MCTP1: variants seen among roughly 807,000 people sequenced by gnomAD.
MCTP1 encodes multiple C2 and transmembrane domain containing 1.
Under a neutral mutation model 120.6 loss-of-function variants are expected in MCTP1, and 69 were observed. That is an observed-to-expected ratio of 0.57 (90% confidence interval 0.47 to 0.70). MCTP1 has a LOEUF of 0.70. Ranked by LOEUF, MCTP1 falls within the 30% of genes least tolerant of loss-of-function variation. The probability of loss-of-function intolerance (pLI) is 0.00; values close to 1 mark genes in which losing one functional copy is unlikely to be tolerated. For missense variants in MCTP1, 1,203 were observed against 1,248.8 expected (o/e 0.96, Z 0.55); for synonymous variants, 529 against 493.1 (o/e 1.07, Z -0.96).
Position 95,017,352 on chromosome 5 carries a change from C to T in MCTP1, c.838+15G>A. ...ATAAAAAAGCTTCTAGGTGATATTG[C>T]TCTTATGCTCTTACCTCCTCGATCT... On this transcript the variant is annotated intron_variant, in intron 2 of 22. Coordinates refer to ENST00000515393, the MANE Select transcript of MCTP1 (RefSeq NM_024717.7). The T allele has an allele frequency of 2.6e-6, 4 of 1,531,206 alleles. No homozygotes were observed. Among genetic ancestry groups the T allele is most frequent in the East Asian group, 2.3e-5 (1 of 44,158 alleles). 94.9% of individuals were successfully genotyped at this position (1,531,206 alleles called of 1,614,324 possible).
chr5:95,246,985 C>A (rs190081421), intron 1 of MCTP1, among the ~76,000 whole-genome samples: 5 of 152,218 alleles, frequency 3.3e-5, no homozygotes, highest in African/African-American at 1.2e-4. Flanking sequence ...CCTCTTTGTA[C>A]CTCTGGTAGA....
At chr5:94,883,539 C>T (rs540718075) in intron 12 of MCTP1, among the ~76,000 whole-genome samples, 6 of 151,974 alleles carry the variant, frequency 3.9e-5, no homozygotes, top group Non-Finnish European at 7.4e-5. Context: ...TTATTTTATC[C>T]CTGATAATAT....
chr5:94,766,484 G>T (rs1298817261), intron 19 of MCTP1, among the ~76,000 whole-genome samples: 1 of 151,846 alleles, frequency 6.6e-6, no homozygotes, highest in African/African-American at 2.4e-5. Context: ...AGAACACTTA[G>T]CCACAGGGTG....
chr5:94,992,955 A>T (rs948624436), intron 2 of MCTP1, among the ~76,000 whole-genome samples: 1 of 152,198 alleles, frequency 6.6e-6, no homozygotes, highest in African/African-American at 2.4e-5. Context: ...AAATTAACTG[A>T]AGTTTGAGAA....
At chr5:95,252,738 C>A (rs374206597) in intron 1 of MCTP1, among the ~76,000 whole-genome samples, 13 of 152,058 alleles carry the variant, frequency 8.5e-5, no homozygotes, top group African/African-American at 2.9e-4. Flanking sequence ...GCACTCATTC[C>A]TATTTTCCCT....
intron 2 of MCTP1, among the ~76,000 whole-genome samples, chr5:94,977,537 A>G (rs1446351716): frequency 6.6e-6 from 1 of 152,170 alleles, no homozygotes; most frequent in Non-Finnish European, 1.5e-5. Flanking sequence ...AAAGAAAAAC[A>G]AAGCTGGAGG....
In MCTP1 at chr5:95,061,425, T is replaced by G. The variant is rs1195005779; in HGVS notation, c.721-43941A>C. Among the ~76,000 whole-genome samples the G allele has an allele frequency of 6.0e-3, 236 of 39,486 alleles. 28 individuals are homozygous for G. Among genetic ancestry groups the G allele is most frequent in the African/African-American group, 0.018 (177 of 9,824 alleles). The allele number at this position is 39,486 out of a possible 152,430, so 25.9% of individuals were successfully genotyped here. On this transcript the variant is annotated intron_variant, in intron 1 of 22. Transcript: ENST00000515393. ...CCTTAAGGGTTTTTTTTTTTTTTTT[T>G]TTTTTTTTTTTTTTTTTTTTTTTTT...
At chr5:94,826,928 T>C (rs1051831319) in intron 17 of MCTP1, among the ~76,000 whole-genome samples, 8 of 152,050 alleles carry the variant, frequency 5.3e-5, no homozygotes, top group Non-Finnish European at 8.8e-5. Context: ...TGATCCAATT[T>C]GCCAATCTGT....
chr5:94,980,951 GCAAAATGTTAA>G (rs1228715870), intron 2 of MCTP1: 2 of 151,862 alleles, frequency 1.3e-5, no homozygotes, highest in Non-Finnish European at 2.9e-5. Context: ...GATAAGCAAA[GCAAAATGTTAA>G]CACCTACCAT....
intron 1 of MCTP1, among the ~76,000 whole-genome samples, chr5:95,179,044 C>A (rs1748327586): frequency 6.6e-6 from 1 of 152,148 alleles, no homozygotes; most frequent in South Asian, 2.1e-4. Context: ...ATTGGAAAGT[C>A]TCAGTAATAG....
chr5:94,912,780 C>CAGGA lies in MCTP1; in HGVS notation c.1521+22_1521+25dup, dbSNP rs1163308766. On this transcript the variant is annotated intron_variant, in intron 9 of 22. Coordinates refer to ENST00000515393, the MANE Select transcript of MCTP1 (RefSeq NM_024717.7). ...CCAACCAATGCCTTCCAAATATTGA[C>CAGGA]AGGAACACAATAGAGACAAGGTTAC... 2.0e-6 allele frequency: 3 copies of CAGGA among 1,494,382 alleles called. No individual in the cohort carries two copies. In the African/African-American group the frequency reaches 4.3e-5, roughly 21 times the overall value. 92.6% of individuals were successfully genotyped at this position (1,494,382 alleles called of 1,614,324 possible).
chr5:94,726,561 C>T (rs537694676), intron 19 of MCTP1, among the ~76,000 whole-genome samples: 1 of 128,014 alleles, frequency 7.8e-6, no homozygotes, highest in South Asian at 2.8e-4. Context: ...GTCATATACA[C>T]AAGGTATGGG....
intron 1 of MCTP1, among the ~76,000 whole-genome samples, chr5:95,029,392 G>A (rs1184698902): frequency 6.6e-6 from 1 of 152,098 alleles, no homozygotes; most frequent in East Asian, 1.9e-4. Flanking sequence ...AAGTCCTTGT[G>A]AATTTTCTTT....
At chr5:94,979,113 ACG>A (rs1242203365) in intron 2 of MCTP1, 2 of 152,136 alleles carry the variant, frequency 1.3e-5, no homozygotes, top group African/African-American at 4.8e-5. Context: ...GCCAGTTGCC[ACG>A]GAGAACAACA....
chr5:94,741,927 T>G (rs947865634), intron 19 of MCTP1, among the ~76,000 whole-genome samples: 1 of 152,236 alleles, frequency 6.6e-6, no homozygotes, highest in African/African-American at 2.4e-5. Context: ...TTCTTAGGGT[T>G]GTTAGATGCC....
chr5:94,921,776 C>G (rs1811721916), intron 7 of MCTP1, among the ~76,000 whole-genome samples: 1 of 152,200 alleles, frequency 6.6e-6, no homozygotes, highest in African/African-American at 2.4e-5. Flanking sequence ...GGCTCTTAAA[C>G]ACATCCATCC....
At chr5:94,856,212 A>G (rs1014247978) in intron 17 of MCTP1, among the ~76,000 whole-genome samples, 4 of 151,806 alleles carry the variant, frequency 2.6e-5, no homozygotes, top group African/African-American at 9.7e-5. Context: ...AATATTAAAA[A>G]TGCCTACTCT....
chr5:94,834,701 A>G (rs1256195520), intron 17 of MCTP1, among the ~76,000 whole-genome samples: 1 of 152,164 alleles, frequency 6.6e-6, no homozygotes, highest in Non-Finnish European at 1.5e-5. Context: ...ATGAGTGGCA[A>G]TCTGGACAGA....
chr5:95,127,251 A>G (rs1758703437), intron 1 of MCTP1, among the ~76,000 whole-genome samples: 2 of 152,070 alleles, frequency 1.3e-5, no homozygotes, highest in Admixed American at 6.6e-5. Context: ...AATGAAAAAA[A>G]AAAAGTTTTT....
Sources: gnomAD v4.1 joint callset for allele counts (sites outside exome capture counted in the v4.1 genomes callset) on GRCh38, gnomAD v4.1.1 for gene constraint, MANE v1.5 for transcripts, NCBI Gene and HGNC (gene_info 2026-07-23, HGNC 2026-07-21) for gene names.